The following PPM1B variants were observed in gnomAD, a reference collection of about 807,000 sequenced individuals.
PPM1B encodes protein phosphatase 1B.
Under a neutral mutation model 43.0 loss-of-function variants are expected in PPM1B, and 22 were observed. That is an observed-to-expected ratio of 0.51 (90% CI 0.37 to 0.73). The LOEUF (loss-of-function observed/expected upper bound fraction) is 0.73, where lower values mean the gene tolerates loss of function less well. Among genes scored for constraint, PPM1B ranks in the 30% least tolerant of loss-of-function variants. PPM1B has a pLI of 0.00. For missense variants in PPM1B, 632 were observed against 584.2 expected (o/e 1.08, Z -0.84); for synonymous variants, 217 against 197.9 (o/e 1.10, Z -0.81).
At chr2:44,232,389 GA>G (rs748432173), downstream of PPM1B, 207 of 1,592,808 alleles carry the variant, frequency 1.3e-4, no homozygotes, top group Middle Eastern at 6.7e-4. Context: ...AAAATTGGGG[GA>G]AAAAACTTTT....
At chr2:44,239,706 C>T (rs1445839146) in intron 5 of PPM1B, among the ~76,000 whole-genome samples, 1 of 152,132 alleles carries the variant, frequency 6.6e-6, no homozygotes, top group African/African-American at 2.4e-5. Flanking sequence ...ACCTCCCAAG[C>T]ACATATATTT....
rs1358596627 is a variant in PPM1B, at chr2:44,195,881, G to A, written c.-14-5305G>A. Among the ~76,000 whole-genome samples the A allele has an allele frequency of 3.9e-5, 6 of 152,240 alleles. 1 individual carries two copies. In the East Asian group the frequency reaches 7.7e-4, roughly 20 times the overall value. ...CAGGTGACATGTAAGAAGCCTGACC[G>A]TGTTGAAATCCTCAAACTGGAGAGG... On this transcript the variant is annotated intron_variant, in intron 1 of 5. Coordinates refer to ENST00000282412, the MANE Select transcript of PPM1B (RefSeq NM_002706.6).
downstream of PPM1B, among the ~76,000 whole-genome samples, chr2:44,237,410 C>A (rs1052500269): frequency 5.9e-5 from 9 of 152,178 alleles, no homozygotes; most frequent in African/African-American, 2.2e-4. Context: ...GTATTTTCTC[C>A]CCCTTATTTC....
chr2:44,205,263 A>G (rs896432120), intron 2 of PPM1B, among the ~76,000 whole-genome samples: 1 of 152,024 alleles, frequency 6.6e-6, no homozygotes, highest in Non-Finnish European at 1.5e-5. Flanking sequence ...GGCTGAGACT[A>G]GTTTTCTGAC....
chr2:44,232,900 G>C (rs375766674), downstream of PPM1B: 2 of 972,484 alleles, frequency 2.1e-6, no homozygotes, highest in East Asian at 1.1e-4. Flanking sequence ...ACCAAACTGG[G>C]TTCTCCAATA....
intron 1 of PPM1B, among the ~76,000 whole-genome samples, chr2:44,177,324 T>C (rs1186753698): frequency 2.0e-5 from 3 of 152,154 alleles, no homozygotes; most frequent in South Asian, 2.1e-4. Flanking sequence ...TATTAAGTCT[T>C]TGGTGGTTGC....
downstream of PPM1B, chr2:44,232,678 T>C: frequency 1.9e-6 from 2 of 1,077,738 alleles, no homozygotes; most frequent in Non-Finnish European, 2.2e-6. Context: ...TTAGCTATAC[T>C]CTGAAAATAC....
chr2:44,229,969 GT>G, intron 5 of PPM1B: 1 of 1,543,850 alleles, frequency 6.5e-7, no homozygotes, highest in Non-Finnish European at 8.8e-7. Flanking sequence ...ATAGTTTTAT[GT>G]TTTGTATTTC....
intron 1 of PPM1B, among the ~76,000 whole-genome samples, chr2:44,171,229 G>C (rs985363800): frequency 3.9e-5 from 6 of 152,142 alleles, no homozygotes; most frequent in East Asian, 3.9e-4. Context: ...ATAGGTGAAA[G>C]GCCTTTCAAT....
At chr2:44,171,963 C>T (rs1667369673) in intron 1 of PPM1B, among the ~76,000 whole-genome samples, 1 of 151,768 alleles carries the variant, frequency 6.6e-6, no homozygotes. Context: ...TTTAAAAATG[C>T]AACATACAGT....
chr2:44,245,971 G>C (rs1346023752), downstream of PPM1B, among the ~76,000 whole-genome samples: 2 of 152,098 alleles, frequency 1.3e-5, no homozygotes, highest in Admixed American at 6.6e-5. Context: ...TGACCTTTTT[G>C]ATTATTTTAG....
At position 44,185,926 on chromosome 2, in the gene PPM1B, G is replaced by T. The variant is rs192627207; in HGVS notation, c.-14-15260G>T. ...ACTACAGTTCATCAGAATTGATTTG[G>T]AAGAGGGGAGGACTTAAATAATTTA... is the stretch of plus-strand genomic sequence containing the variant. On this transcript the variant is annotated intron_variant, in intron 1 of 5. Coordinates refer to ENST00000282412, the MANE Select transcript of PPM1B (RefSeq NM_002706.6). Among the ~76,000 whole-genome samples the T allele has an allele frequency of 3.8e-3, 574 of 152,298 alleles. 3 individuals carry two copies. Among genetic ancestry groups the T allele is most frequent in the African/African-American group, 0.013 (543 of 41,568 alleles).
At chr2:44,220,968 A>G (rs1239248121) in intron 5 of PPM1B, among the ~76,000 whole-genome samples, 1 of 152,230 alleles carries the variant, frequency 6.6e-6, no homozygotes, top group Non-Finnish European at 1.5e-5. Context: ...GTGGTGAAAA[A>G]TAAGAATTTA....
At chr2:44,183,125 T>A (rs1357575818) in intron 1 of PPM1B, among the ~76,000 whole-genome samples, 1 of 152,234 alleles carries the variant, frequency 6.6e-6, no homozygotes, top group African/African-American at 2.4e-5. Flanking sequence ...TTTGCTTCCT[T>A]TTGCACAAAT....
downstream of PPM1B, among the ~76,000 whole-genome samples, chr2:44,235,376 G>A (rs1670581795): frequency 1.3e-5 from 2 of 152,160 alleles, no homozygotes; most frequent in Non-Finnish European, 2.9e-5. Context: ...GGCCGAGGCA[G>A]GCAGATCACC....
downstream of PPM1B, among the ~76,000 whole-genome samples, chr2:44,235,652 T>C (rs965134389): frequency 1.3e-5 from 2 of 148,320 alleles, no homozygotes; most frequent in Non-Finnish European, 3.0e-5. Flanking sequence ...TGGTAGCTTA[T>C]GCCTGTAATA....
intron 1 of PPM1B, among the ~76,000 whole-genome samples, chr2:44,172,680 T>C (rs1365890178): frequency 6.6e-6 from 1 of 152,050 alleles, no homozygotes; most frequent in East Asian, 1.9e-4. Context: ...TCCCAACATT[T>C]TGGGAGGCTG....
rs529999310 is a variant in PPM1B at position 44,188,627 on chromosome 2, C to G, written c.-14-12559C>G. On this transcript the variant is annotated intron_variant, in intron 1 of 5. Coordinates refer to ENST00000282412, the MANE Select transcript of PPM1B (RefSeq NM_002706.6). ...CCTGGGCTGGTCTTCAACTCCTGGC[C>G]TCAAGTGATCCTCCTGCCTCAGCCT... Among the ~76,000 whole-genome samples, 112 of 152,066 alleles carry G rather than the reference C, an allele frequency of 7.4e-4. 1 individual carries two copies. The highest frequency in any genetic ancestry group is 2.6e-3 in the African/African-American group (107 of 41,460).
At chr2:44,209,019 A>C (rs1269749898) in intron 2 of PPM1B, among the ~76,000 whole-genome samples, 191 bp from the exon 3 acceptor site, 3 of 152,228 alleles carry the variant, frequency 2.0e-5, no homozygotes, top group African/African-American at 7.2e-5. Context: ...AAATGCTTAC[A>C]GATATACCCA....
Sources: gnomAD v4.1 joint callset for allele counts (sites outside exome capture counted in the v4.1 genomes callset) on GRCh38, gnomAD v4.1.1 for gene constraint, MANE v1.5 for transcripts, NCBI Gene and HGNC (gene_info 2026-07-23, HGNC 2026-07-21) for gene names.